Variants in KALRN observed in about 807,000 individuals in gnomAD.
KALRN encodes the protein kalirin.
A neutral mutation model predicts 353.7 loss-of-function variants in KALRN; 70 were observed. That is an observed-to-expected ratio of 0.20 (90% CI 0.16 to 0.24). The LOEUF is 0.24. Among genes scored for constraint, KALRN ranks in the 10% least tolerant of loss-of-function variants. The probability of loss-of-function intolerance (pLI) is 1.00; values close to 1 mark genes in which losing one functional copy is unlikely to be tolerated. For missense variants in KALRN, 2,791 were observed against 3,756.7 expected (o/e 0.74, Z 6.72); for synonymous variants, 1,391 against 1,434.8 (o/e 0.97, Z 0.69).
intron 34 of KALRN, among the ~76,000 whole-genome samples, chr3:124,601,837 C>G (rs113271487): frequency 0.012 from 1,807 of 150,598 alleles, 39 homozygotes; most frequent in African/African-American, 0.041. Context: ...TGAGACCAGC[C>G]TAGGCAACAT....
intron 33 of KALRN, among the ~76,000 whole-genome samples, chr3:124,540,701 T>C (rs1399685308): frequency 6.6e-6 from 1 of 152,200 alleles, no homozygotes; most frequent in East Asian, 1.9e-4. Flanking sequence ...AGTCCAGAAC[T>C]CTTGACATTG....
At chr3:124,668,037 T>C (rs2085866934) in intron 47 of KALRN, among the ~76,000 whole-genome samples, 1 of 134,532 alleles carries the variant, frequency 7.4e-6, no homozygotes, top group East Asian at 2.1e-4. Flanking sequence ...TATGCCTGTA[T>C]ATCGAGACAC....
intron 11 of KALRN, among the ~76,000 whole-genome samples, chr3:124,390,254 A>C (rs191301419): frequency 3.3e-5 from 5 of 152,340 alleles, no homozygotes; most frequent in Admixed American, 2.6e-4. Context: ...CTGGGCTTTC[A>C]AAATACCCGT....
intron 1 of KALRN, among the ~76,000 whole-genome samples, chr3:124,227,663 G>GTTTTTTTGTTTTTTT (rs2078683518): frequency 1.4e-5 from 1 of 69,228 alleles, no homozygotes; most frequent in African/African-American, 5.1e-5. Context: ...CAACAGGGCT[G>GTTTTTTTGTTTTTTT]TTTTTTTTTT....
At chr3:124,387,361 AATTT>A (rs1205140188) in intron 11 of KALRN, among the ~76,000 whole-genome samples, 1 of 152,196 alleles carries the variant, frequency 6.6e-6, no homozygotes, top group Admixed American at 6.5e-5. Flanking sequence ...AAAGAACTGA[AATTT>A]ATTTAGCACA....
At chr3:124,617,002 T>G (rs894880898) in intron 34 of KALRN, among the ~76,000 whole-genome samples, 2 of 150,308 alleles carry the variant, frequency 1.3e-5, no homozygotes, top group African/African-American at 4.9e-5. Flanking sequence ...CTAAGTTTTG[T>G]CCCTAGCTTT....
chr3:124,410,481 T>C (rs1439229974), intron 13 of KALRN, among the ~76,000 whole-genome samples: 1 of 152,250 alleles, frequency 6.6e-6, no homozygotes, highest in Non-Finnish European at 1.5e-5. Context: ...TTAGAACTTT[T>C]ACAAATCTAC....
intron 34 of KALRN, among the ~76,000 whole-genome samples, chr3:124,621,476 G>A (rs181582984): frequency 5.3e-5 from 8 of 152,202 alleles, no homozygotes; most frequent in East Asian, 3.8e-4. Flanking sequence ...AGGGGTTTGC[G>A]CTATGCATTT....
At position 124,346,516 on chromosome 3, in the gene KALRN, T is replaced by C. The variant is rs138748688; in HGVS notation, c.1648-627T>C. On this transcript the variant is annotated intron_variant, in intron 9 of 59. Transcript: ENST00000682506. ...GGACTTAGGATGCAAACACTTTAAT[T>C]TATTTGTTTGTTTGGTTGGTTGGTT... 1.1e-4 allele frequency among the ~76,000 whole-genome samples: 17 copies of C among 152,174 alleles called. No individual in the cohort carries two copies. In the East Asian group the frequency reaches 3.3e-3, roughly 29 times the overall value.
intron 33 of KALRN, among the ~76,000 whole-genome samples, chr3:124,501,410 C>G (rs938521177): frequency 2.0e-5 from 3 of 152,032 alleles, no homozygotes; most frequent in Non-Finnish European, 4.4e-5. Context: ...GTTTTTAAAC[C>G]CTGAATTATC....
At chr3:124,168,296 C>A (rs1223955486) in intron 1 of KALRN, among the ~76,000 whole-genome samples, 1 of 152,346 alleles carries the variant, frequency 6.6e-6, no homozygotes, top group African/African-American at 2.4e-5. Context: ...AGGCCACTTG[C>A]TCCTGGACCC....
At chr3:124,293,829 G>A (rs1346753370) in intron 5 of KALRN, among the ~76,000 whole-genome samples, 1 of 152,152 alleles carries the variant, frequency 6.6e-6, no homozygotes, top group Non-Finnish European at 1.5e-5. Context: ...AAGGCACTTT[G>A]GAGATATTTT....
chr3:124,386,969 C>T (rs1243790947), intron 11 of KALRN, among the ~76,000 whole-genome samples: 2 of 152,200 alleles, frequency 1.3e-5, no homozygotes, highest in Admixed American at 6.5e-5. Flanking sequence ...CAGACTTTCT[C>T]AGTAGTACAG....
chr3:124,481,725 TG>T (rs903905881), intron 27 of KALRN, among the ~76,000 whole-genome samples: 2 of 152,204 alleles, frequency 1.3e-5, no homozygotes, highest in African/African-American at 4.8e-5. Flanking sequence ...TACAGTTTTG[TG>T]TTTGATGTAA....
At chr3:124,073,212 T>G (rs1311163510) in intron 1 of KALRN, among the ~76,000 whole-genome samples, 4 of 152,214 alleles carry the variant, frequency 2.6e-5, no homozygotes, top group Admixed American at 1.3e-4. Context: ...CAGTGATAGA[T>G]CTGCTCTCAA....
intron 1 of KALRN, among the ~76,000 whole-genome samples, chr3:124,098,355 T>G (rs551920321): frequency 6.6e-6 from 1 of 152,284 alleles, no homozygotes; most frequent in South Asian, 2.1e-4. Context: ...TGGGCCCTCC[T>G]TAATCCCACC....
At chr3:124,363,594 A>G (rs1269381155) in intron 10 of KALRN, among the ~76,000 whole-genome samples, 1 of 152,240 alleles carries the variant, frequency 6.6e-6, no homozygotes, top group Non-Finnish European at 1.5e-5. Flanking sequence ...GGATGAGATC[A>G]TGTCTGGAAC....
At chr3:124,139,679 T>TA (rs2066385512) in intron 1 of KALRN, among the ~76,000 whole-genome samples, 1 of 152,084 alleles carries the variant, frequency 6.6e-6, no homozygotes, top group Admixed American at 6.5e-5. Context: ...TGTCAAGGGT[T>TA]GCAAGGAAGG....
intron 34 of KALRN, among the ~76,000 whole-genome samples, chr3:124,622,688 T>C (rs582288): frequency 0.29 from 44,089 of 152,034 alleles, 7,748 homozygotes; most frequent in East Asian, 0.59. Flanking sequence ...ACTATTAGAA[T>C]TATCTTCTTT....
Sources: gnomAD v4.1 joint callset for allele counts (sites outside exome capture counted in the v4.1 genomes callset) on GRCh38, gnomAD v4.1.1 for gene constraint, MANE v1.5 for transcripts, NCBI Gene and HGNC (gene_info 2026-07-23, HGNC 2026-07-21) for gene names.